Variants in TENM3 observed in about 807,000 individuals in gnomAD.
TENM3 encodes the protein teneurin-3.
Under a neutral mutation model 255.1 loss-of-function variants are expected in TENM3, and 63 were observed. That is an observed-to-expected ratio of 0.25 (90% CI 0.20 to 0.30). The LOEUF is 0.30. Ranked by LOEUF, TENM3 falls within the 10% of genes least tolerant of loss-of-function variation. The pLI is 1.00. For synonymous variants in TENM3, 1,306 were observed against 1,322.3 expected (o/e 0.99, Z 0.27); for missense variants, 2,929 against 3,461.1 (o/e 0.85, Z 3.86).
chr4:182,260,640 A>G (rs1758717975), intron 1 of TENM3, among the ~76,000 whole-genome samples: 1 of 152,134 alleles, frequency 6.6e-6, no homozygotes, highest in South Asian at 2.1e-4. Flanking sequence ...GAAAGCCCAG[A>G]TTTTTCAAGT....
chr4:182,082,348 C>T, the TENM3 span, among the ~76,000 whole-genome samples: 1 of 152,152 alleles, frequency 6.6e-6, no homozygotes, highest in Non-Finnish European at 1.5e-5. Context: ...TCACCCCCGC[C>T]AAAGGCCCCA....
At chr4:181,571,684 G>T in the TENM3 span, among the ~76,000 whole-genome samples, 1 of 152,126 alleles carries the variant, frequency 6.6e-6, no homozygotes, top group East Asian at 1.9e-4. Flanking sequence ...TTGATCATGA[G>T]TAAATACAAT....
chr4:181,951,968 T>C, the TENM3 span, among the ~76,000 whole-genome samples: 1 of 152,238 alleles, frequency 6.6e-6, no homozygotes, highest in Non-Finnish European at 1.5e-5. Context: ...GGATATGTTT[T>C]GTTTTTTAAA....
At chr4:182,783,814 C>G (rs1252417050) in intron 24 of TENM3, among the ~76,000 whole-genome samples, 2 of 152,048 alleles carry the variant, frequency 1.3e-5, no homozygotes, top group South Asian at 2.1e-4. Context: ...TTTCATCTTC[C>G]ATCGCTGATA....
At chr4:182,749,802 G>A (rs1166285291) in intron 19 of TENM3, among the ~76,000 whole-genome samples, 1 of 152,184 alleles carries the variant, frequency 6.6e-6, no homozygotes, top group Non-Finnish European at 1.5e-5. Flanking sequence ...ATGAGTGTAT[G>A]CATACCATGT....
At chr4:182,072,270 T>C in the TENM3 span, among the ~76,000 whole-genome samples, 1 of 152,174 alleles carries the variant, frequency 6.6e-6, no homozygotes, top group Non-Finnish European at 1.5e-5. Flanking sequence ...AGCATAGACA[T>C]TGTTCATGAA....
chr4:182,660,041 C>G (rs1327041219), intron 6 of TENM3, among the ~76,000 whole-genome samples: 3 of 152,080 alleles, frequency 2.0e-5, no homozygotes, highest in Non-Finnish European at 4.4e-5. Context: ...ATAGAATGGT[C>G]TTTGGTCTTG....
the TENM3 span, among the ~76,000 whole-genome samples, chr4:181,890,264 G>A: frequency 6.6e-6 from 1 of 152,136 alleles, no homozygotes; most frequent in Non-Finnish European, 1.5e-5. Flanking sequence ...TCACATTTTA[G>A]TTATCAGCCC....
intron 22 of TENM3, among the ~76,000 whole-genome samples, chr4:182,772,370 T>C (rs2152795232): frequency 6.6e-6 from 1 of 152,320 alleles, no homozygotes; most frequent in East Asian, 1.9e-4. Flanking sequence ...CCTGTCTTTC[T>C]CTAACAGCAT....
intron 1 of TENM3, among the ~76,000 whole-genome samples, chr4:182,175,648 A>G (rs1430310098): frequency 1.3e-5 from 2 of 152,190 alleles, no homozygotes; most frequent in Admixed American, 6.5e-5. Flanking sequence ...ATAAGGCCAG[A>G]TGATGCTGGA....
At chr4:182,771,503 G>T (rs4467619) in intron 22 of TENM3, among the ~76,000 whole-genome samples, 8 of 148,754 alleles carry the variant, frequency 5.4e-5, no homozygotes, top group South Asian at 2.2e-4. Context: ...TGAAATGGGG[G>T]GGGGGGAAAT....
intron 24 of TENM3, among the ~76,000 whole-genome samples, chr4:182,777,501 T>C (rs942255092): frequency 8.6e-5 from 12 of 138,904 alleles, no homozygotes; most frequent in African/African-American, 3.2e-4. Context: ...TGTCTATACA[T>C]AATGTGTTTA....
chr4:182,281,956 G>T (rs1183908561), intron 1 of TENM3, among the ~76,000 whole-genome samples: 4 of 152,066 alleles, frequency 2.6e-5, no homozygotes, highest in Admixed American at 2.6e-4. Context: ...GGCTGGTCTC[G>T]AACTCCTGAT....
intron 3 of TENM3, among the ~76,000 whole-genome samples, chr4:182,441,955 G>A (rs767408884): frequency 7.2e-5 from 11 of 152,202 alleles, no homozygotes; most frequent in Non-Finnish European, 1.6e-4. Flanking sequence ...TAGACAGGGA[G>A]CAGAATATAG....
the TENM3 span, among the ~76,000 whole-genome samples, chr4:181,877,462 G>A: frequency 6.6e-6 from 1 of 152,098 alleles, no homozygotes; most frequent in Non-Finnish European, 1.5e-5. Context: ...CTGTTAATTA[G>A]TACTTTCTTT....
chr4:181,626,829 T>A, the TENM3 span, among the ~76,000 whole-genome samples: 1 of 152,192 alleles, frequency 6.6e-6, no homozygotes, highest in African/African-American at 2.4e-5. Flanking sequence ...GAAAGTGACA[T>A]AATCAGAGAT....
intron 1 of TENM3, among the ~76,000 whole-genome samples, chr4:182,229,257 G>A (rs1442284287): frequency 6.6e-6 from 1 of 152,082 alleles, no homozygotes; most frequent in Non-Finnish European, 1.5e-5. Context: ...CTTGGGAGGA[G>A]TTTCAGGAAA....
intron 13 of TENM3, among the ~76,000 whole-genome samples, 163 bp from the exon 14 acceptor site, chr4:182,728,802 A>T (rs751879158): frequency 2.5e-4 from 38 of 151,656 alleles, no homozygotes; most frequent in Admixed American, 2.4e-3. Context: ...TTGTATTTCT[A>T]TTTCTTCTGG....
At chr4:181,819,797 T>C in the TENM3 span, among the ~76,000 whole-genome samples, 1 of 152,182 alleles carries the variant, frequency 6.6e-6, no homozygotes, top group Admixed American at 6.5e-5. Context: ...TAATGCTCAC[T>C]TGCTCTCAGC....
Sources: allele counts gnomAD v4.1 joint callset (sites outside exome capture counted in the v4.1 genomes callset), GRCh38; gene constraint gnomAD v4.1.1; transcripts MANE v1.5; gene names NCBI Gene and HGNC (gene_info 2026-07-23, HGNC 2026-07-21).